The following UBE2L6 variants were observed in gnomAD, a reference collection of about 807,000 sequenced individuals.
UBE2L6 encodes ubiquitin/ISG15-conjugating enzyme E2 L6.
Under a neutral mutation model 13.6 loss-of-function variants are expected in UBE2L6, and 11 were observed. The observed-to-expected ratio is 0.81, with a 90% CI of 0.51 to 1.34. The LOEUF (loss-of-function observed/expected upper bound fraction) is 1.34. UBE2L6 is among the 40% of genes most tolerant of loss of function. UBE2L6 has a pLI of 0.00. For missense variants in UBE2L6, 197 were observed against 199.5 expected, an observed-to-expected ratio of 0.99 and a Z score of 0.07; for synonymous variants, 74 against 83.2, an observed-to-expected ratio of 0.89 and a Z score of 0.60.
intron 2 of UBE2L6, among the ~76,000 whole-genome samples, chr11:57,555,502 G>A (rs566397945): frequency 1.6e-4 from 24 of 152,238 alleles, no homozygotes; most frequent in Admixed American, 3.3e-4. Context: ...GGGAGTTACT[G>A]AAGGGGTACA....
At chr11:57,552,990 A>T (rs891147879) in intron 3 of UBE2L6, among the ~76,000 whole-genome samples, 7 of 151,966 alleles carry the variant, frequency 4.6e-5, no homozygotes, top group Non-Finnish European at 8.8e-5. Flanking sequence ...CCACATGCAA[A>T]ACAGACAGTT....
rs147036562 is a variant in UBE2L6, at chr11:57,553,594, G to A, written c.310+843C>T. On this transcript the variant is annotated intron_variant, in intron 3 of 3. Coordinates refer to ENST00000287156, the MANE Select transcript of UBE2L6 (RefSeq NM_004223.5). ...CTGTAATCCCAGCACTCTGGGAGGC[G>A]GAGGCAGGCGGATCGCCTGAGGTCA... is the stretch of plus-strand genomic sequence containing the variant. 9.2e-4 allele frequency among the ~76,000 whole-genome samples: 140 copies of A among 152,224 alleles called. 4 individuals carry two copies. In the East Asian group the frequency reaches 0.026, roughly 28 times the overall value.
chr11:57,564,140 C>T (rs1364337825), intron 1 of UBE2L6, among the ~76,000 whole-genome samples: 1 of 152,096 alleles, frequency 6.6e-6, no homozygotes, highest in Non-Finnish European at 1.5e-5. Flanking sequence ...AAGAAGACTA[C>T]CTCAAGGCAT....
chr11:57,559,848 C>A (rs1182531962), intron 2 of UBE2L6, among the ~76,000 whole-genome samples: 1 of 151,988 alleles, frequency 6.6e-6, no homozygotes, highest in African/African-American at 2.4e-5. Flanking sequence ...AAGAAAATAC[C>A]AAATAATAAA....
intron 1 of UBE2L6, among the ~76,000 whole-genome samples, chr11:57,560,778 G>A (rs150501005): frequency 0.026 from 3,936 of 151,872 alleles, 73 homozygotes; most frequent in Non-Finnish European, 0.043. Context: ...CCGCCACCAC[G>A]CCCCGCTAAT....
intron 2 of UBE2L6, among the ~76,000 whole-genome samples, chr11:57,558,017 T>C (rs1945010892): frequency 6.6e-6 from 1 of 152,196 alleles, no homozygotes; most frequent in South Asian, 2.1e-4. Flanking sequence ...TATCTTACAG[T>C]CAGTTGAGAA....
chr11:57,562,174 T>C (rs922020037), intron 1 of UBE2L6, among the ~76,000 whole-genome samples: 1 of 152,156 alleles, frequency 6.6e-6, no homozygotes, highest in African/African-American at 2.4e-5. Context: ...ACATCAGCAG[T>C]AGTACCCTGG....
At position 57,567,586 on chromosome 11, in the gene UBE2L6, T is replaced by C; in HGVS notation, c.26A>G (p.Lys9Arg). The C allele has an allele frequency of 1.2e-6, 2 of 1,607,946 alleles. No homozygotes were observed. Among genetic ancestry groups the C allele is most frequent in the Non-Finnish European group, 1.7e-6 (2 of 1,178,126 alleles). The change falls in exon 1 of 4, where the codon AAG becomes AGG. Residue 9 changes from lysine to arginine, a missense_variant and splice_region_variant. Lys to Arg is a conservative substitution (Grantham distance 26). Transcript: ENST00000287156. MMASMRVV[K>R]ELEDLQKKPP... ...AGGGGTCATCCTATACGCGGTTACC[T>C]TCACCACTCGCATGCTCGCCATCAT...
In UBE2L6 at chr11:57,567,471, G is replaced by C. The variant is rs1945101661; in HGVS notation, c.27+114C>G. ...GGAGGACAGGGATTCAGCCAGCCCTGGTGCCCAGACAAATAAATAAATGTG... is the reference window on the plus strand; with the variant it reads ...GGAGGACAGGGATTCAGCCAGCCCTCGTGCCCAGACAAATAAATAAATGTG... On this transcript the variant is annotated intron_variant, in intron 1 of 3. Coordinates refer to ENST00000287156, the MANE Select transcript of UBE2L6 (RefSeq NM_004223.5). The C allele has an allele frequency of 2.8e-6, 4 of 1,444,594 alleles. No individual in the cohort carries two copies. The African/African-American group carries it at 5.6e-5, about 20-fold the overall frequency. 89.5% of individuals were successfully genotyped at this position (1,444,594 alleles called of 1,614,324 possible).
At position 57,554,619 on chromosome 11, in the gene UBE2L6, T is replaced by C. The variant is rs750280866; in HGVS notation, c.128A>G (p.Gln43Arg). 6.2e-7 allele frequency: 1 copy of C among 1,614,166 alleles called. No homozygotes were observed. The highest frequency in any genetic ancestry group is 1.1e-5 in the South Asian group (1 of 91,076). ...LVWHALLLPD[Q>R]PPYHLKAFNL... ...GAAGGCTTTCAGGTGGTAGGGAGGT[T>C]GGTCCTGTGCAGAGAGAAAAGGGGT... Residue 43 changes from glutamine to arginine, a missense_variant, in exon 3 of 4, where the codon CAA becomes CGA. Physicochemically the swap from Gln to Arg is conservative, Grantham distance 43. Coordinates refer to ENST00000287156, the MANE Select transcript of UBE2L6 (RefSeq NM_004223.5).
At chr11:57,553,358 G>C (rs572797399) in intron 3 of UBE2L6, among the ~76,000 whole-genome samples, 1 of 152,310 alleles carries the variant, frequency 6.6e-6, no homozygotes, top group South Asian at 2.1e-4. Context: ...GCCAGGTATA[G>C]TGGCATGCTC....
At chr11:57,561,965 A>AG (rs1042599601) in intron 1 of UBE2L6, among the ~76,000 whole-genome samples, 5 of 152,234 alleles carry the variant, frequency 3.3e-5, no homozygotes, top group Non-Finnish European at 5.9e-5. Flanking sequence ...TTACCCAGCC[A>AG]GGGACATTCG....
At chr11:57,553,180 G>T (rs1227946939) in intron 3 of UBE2L6, among the ~76,000 whole-genome samples, 1 of 152,240 alleles carries the variant, frequency 6.6e-6, no homozygotes, top group Non-Finnish European at 1.5e-5. Context: ...TTAGCCACAT[G>T]CAGGCATCTA....
intron 1 of UBE2L6, among the ~76,000 whole-genome samples, chr11:57,564,597 G>A (rs190936089): frequency 1.3e-4 from 20 of 152,328 alleles, no homozygotes; most frequent in African/African-American, 3.8e-4. Flanking sequence ...GAGGTCAGGA[G>A]TTCGAGACCA....
intron 1 of UBE2L6, among the ~76,000 whole-genome samples, chr11:57,564,560 T>G (rs1233057365): frequency 6.6e-6 from 1 of 152,218 alleles, no homozygotes; most frequent in African/African-American, 2.4e-5. Context: ...CCCAGCACTG[T>G]GGGAGGCCAA....
upstream of UBE2L6, chr11:57,567,932 C>A: frequency 3.1e-6 from 1 of 325,460 alleles, no homozygotes; most frequent in Non-Finnish European, 5.6e-6. Flanking sequence ...CGTGCACCGG[C>A]GGCGAGCGCT....
chr11:57,560,157 C>T lies in UBE2L6; in HGVS notation c.123+180G>A, dbSNP rs554757234. On this transcript the variant is annotated intron_variant, in intron 2 of 3. Transcript: ENST00000287156. ...TTTGGCATCTTTATCAGAAGGTGAA[C>T]CTCAGAAGTATCTGGATCTCAGAAG... is the stretch of plus-strand genomic sequence containing the variant. Among the ~76,000 whole-genome samples the T allele has an allele frequency of 3.9e-5, 6 of 152,270 alleles. No homozygotes were observed. The South Asian group carries it at 1.2e-3, about 32-fold the overall frequency.
chr11:57,567,787 G>C (rs1945106010), upstream of UBE2L6: 7 of 668,470 alleles, frequency 1.0e-5, no homozygotes, highest in East Asian at 2.4e-4. Flanking sequence ...GGAGGCCGTC[G>C]AAGGACGACC....
chr11:57,556,523 C>T (rs1237153482), intron 2 of UBE2L6, among the ~76,000 whole-genome samples: 1 of 136,072 alleles, frequency 7.3e-6, no homozygotes, highest in Non-Finnish European at 1.5e-5. Context: ...ACCTGGGAGG[C>T]TGACGTTGTG....
Sources: allele counts gnomAD v4.1 joint callset (sites outside exome capture counted in the v4.1 genomes callset), GRCh38; gene constraint gnomAD v4.1.1; transcripts MANE v1.5; gene names NCBI Gene and HGNC (gene_info 2026-07-23, HGNC 2026-07-21).